Variants in GALNTL6 observed in about 807,000 individuals in gnomAD.
The protein encoded by GALNTL6 is polypeptide N-acetylgalactosaminyltransferase-like 6.
In GALNTL6, 46 loss-of-function variants were observed where a neutral mutation model predicts 73.7. That is an observed-to-expected ratio of 0.62 (90% CI 0.49 to 0.80). The LOEUF (loss-of-function observed/expected upper bound fraction) is 0.80, where lower values mean the gene tolerates loss of function less well. GALNTL6 is among the 30% of genes least tolerant of loss of function. The pLI is 0.00. For missense variants in GALNTL6, 604 were observed against 755.0 expected, an observed-to-expected ratio of 0.80 and a Z score of 2.34; for synonymous variants, 259 against 263.7, an observed-to-expected ratio of 0.98 and a Z score of 0.17.
chr4:172,111,333 T>G (rs1245485683), intron 2 of GALNTL6, among the ~76,000 whole-genome samples: 3 of 152,180 alleles, frequency 2.0e-5, no homozygotes, highest in African/African-American at 7.2e-5. Context: ...TATGTTCATG[T>G]CAATACTACA....
chr4:172,539,910 A>T (rs1735489293), intron 5 of GALNTL6, among the ~76,000 whole-genome samples: 2 of 143,196 alleles, frequency 1.4e-5, no homozygotes, highest in South Asian at 2.2e-4. Flanking sequence ...TATATATAAA[A>T]AATCTCATTT....
intron 5 of GALNTL6, among the ~76,000 whole-genome samples, chr4:172,439,309 C>T (rs1561083593): frequency 6.6e-6 from 1 of 151,854 alleles, no homozygotes; most frequent in South Asian, 2.1e-4. Flanking sequence ...AGTGACCCCC[C>T]ACATTATTAA....
At chr4:172,826,730 C>T (rs1326870052) in intron 7 of GALNTL6, among the ~76,000 whole-genome samples, 2 of 152,190 alleles carry the variant, frequency 1.3e-5, no homozygotes, top group Non-Finnish European at 2.9e-5. Flanking sequence ...GGCCCTCTTT[C>T]CTGAATCTCA....
At chr4:171,815,440 A>G (rs1268316128) in intron 2 of GALNTL6, 1 of 152,268 alleles carries the variant, frequency 6.6e-6, no homozygotes, top group Non-Finnish European at 1.5e-5. Flanking sequence ...TATATACCTC[A>G]TGACTTAACA....
chr4:172,156,572 C>A lies in GALNTL6; in HGVS notation c.139-73084C>A, dbSNP rs5021105. On this transcript the variant is annotated intron_variant, in intron 2 of 12. Transcript: ENST00000506823. ...ATATATATATATATATATATACATA[C>A]TATATATATATAGTATATTGTACTT... is the stretch of plus-strand genomic sequence containing the variant. 5.5e-4 allele frequency among the ~76,000 whole-genome samples: 67 copies of A among 122,486 alleles called. 3 individuals are homozygous for A. Among genetic ancestry groups the A allele is most frequent in the African/African-American group, 2.0e-3 (57 of 27,966 alleles). The allele number at this position is 122,486 out of a possible 152,430, so 80.4% of individuals were successfully genotyped here. A position where few individuals can be genotyped will look rare whatever the true frequency, so the allele number is the denominator to read the frequency against.
chr4:171,831,230 C>T (rs556104611), intron 2 of GALNTL6, among the ~76,000 whole-genome samples: 3 of 151,760 alleles, frequency 2.0e-5, no homozygotes, highest in African/African-American at 4.8e-5. Context: ...GTAGCAGAAA[C>T]GTAGAAGCAA....
At chr4:171,853,308 G>A (rs1735575991) in intron 2 of GALNTL6, among the ~76,000 whole-genome samples, 1 of 151,742 alleles carries the variant, frequency 6.6e-6, no homozygotes, top group African/African-American at 2.4e-5. Flanking sequence ...TTAAAACTCA[G>A]GTGAGCATTT....
At chr4:171,832,383 G>A (rs1350989524) in intron 2 of GALNTL6, among the ~76,000 whole-genome samples, 1 of 151,106 alleles carries the variant, frequency 6.6e-6, no homozygotes, top group African/African-American at 2.4e-5. Flanking sequence ...TATTTAATAT[G>A]TTCTTGTTTT....
In GALNTL6 at chr4:173,036,641, T is replaced by C. The variant is rs774539981; in HGVS notation, c.1639-3292T>C. Among the ~76,000 whole-genome samples, 10 of 152,154 alleles carry C rather than the reference T, an allele frequency of 6.6e-5. 1 individual carries two copies. The highest frequency in any genetic ancestry group is 1.3e-4 in the Non-Finnish European group (9 of 68,018). Reference sequence around the variant, plus strand: ...AACACAAAAATAGATGGAGTAGGCATCCAGGAAAAGTGGGAGGAGTAAAGG... The same window carrying C: ...AACACAAAAATAGATGGAGTAGGCACCCAGGAAAAGTGGGAGGAGTAAAGG... On this transcript the variant is annotated intron_variant, in intron 12 of 12. Transcript: ENST00000506823.
intron 4 of GALNTL6, among the ~76,000 whole-genome samples, chr4:172,318,749 G>C (rs1304475485): frequency 2.8e-5 from 1 of 35,684 alleles, no homozygotes; most frequent in Non-Finnish European, 5.3e-5. Context: ...AACAAAAAAA[G>C]AAAGGCTGAA....
intron 3 of GALNTL6, among the ~76,000 whole-genome samples, chr4:172,270,582 C>A (rs1048115858): frequency 6.6e-6 from 1 of 152,152 alleles, no homozygotes; most frequent in Admixed American, 6.5e-5. Context: ...TCTGCCCTGA[C>A]AGAACCTGGG....
intron 5 of GALNTL6, among the ~76,000 whole-genome samples, chr4:172,567,420 AATCCTCTAAG>A (rs1736596267): frequency 6.6e-6 from 1 of 152,092 alleles, no homozygotes; most frequent in Admixed American, 6.6e-5. Flanking sequence ...GAATATGTAA[AATCCTCTAAG>A]AAAGAAAAAA....
At chr4:171,937,760 G>A (rs371399022) in intron 2 of GALNTL6, among the ~76,000 whole-genome samples, 9 of 152,232 alleles carry the variant, frequency 5.9e-5, no homozygotes, top group Admixed American at 2.0e-4. Flanking sequence ...GAAAAGTAGC[G>A]AAGTAAATGG....
intron 5 of GALNTL6, among the ~76,000 whole-genome samples, chr4:172,388,890 A>G (rs1296427239): frequency 6.6e-6 from 1 of 152,100 alleles, no homozygotes; most frequent in Non-Finnish European, 1.5e-5. Flanking sequence ...CTATATTATT[A>G]GCCATTTAAA....
chr4:172,738,238 G>A (rs1736584408), intron 5 of GALNTL6, among the ~76,000 whole-genome samples: 1 of 152,216 alleles, frequency 6.6e-6, no homozygotes, highest in African/African-American at 2.4e-5. Context: ...CACAGGTGGT[G>A]CCTGGGCAGA....
chr4:172,003,714 T>C (rs893032511), intron 2 of GALNTL6, among the ~76,000 whole-genome samples: 1 of 152,166 alleles, frequency 6.6e-6, no homozygotes, highest in Non-Finnish European at 1.5e-5. Flanking sequence ...AATGGTTACA[T>C]ATGTCTTGGT....
At chr4:172,453,133 C>T (rs537398127) in intron 5 of GALNTL6, among the ~76,000 whole-genome samples, 14 of 151,196 alleles carry the variant, frequency 9.3e-5, no homozygotes, top group African/African-American at 2.4e-4. Flanking sequence ...ACCCAGGAGG[C>T]GGAGGTTGCA....
At chr4:172,962,099 G>A (rs180943952) in intron 10 of GALNTL6, among the ~76,000 whole-genome samples, 1 of 152,282 alleles carries the variant, frequency 6.6e-6, no homozygotes, top group Non-Finnish European at 1.5e-5. Flanking sequence ...GGCAAGGGTG[G>A]GGGTCACAAG....
At chr4:172,689,240 A>C (rs748512630) in intron 5 of GALNTL6, among the ~76,000 whole-genome samples, 1 of 152,182 alleles carries the variant, frequency 6.6e-6, no homozygotes, top group Non-Finnish European at 1.5e-5. Context: ...GTTATTATTA[A>C]TATGAAAAAG....
Sources: allele counts gnomAD v4.1 joint callset (sites outside exome capture counted in the v4.1 genomes callset), GRCh38; gene constraint gnomAD v4.1.1; transcripts MANE v1.5; gene names NCBI Gene and HGNC (gene_info 2026-07-23, HGNC 2026-07-21).